KIF26B: variants seen among roughly 807,000 people sequenced by gnomAD.
KIF26B encodes the protein kinesin-like protein KIF26B.
In KIF26B, 63 loss-of-function variants were observed where a neutral mutation model predicts 151.2. That is an observed-to-expected ratio of 0.42 (90% CI 0.34 to 0.51). The LOEUF (loss-of-function observed/expected upper bound fraction) is 0.51, where lower values mean the gene tolerates loss of function less well. KIF26B is among the 20% of genes least tolerant of loss of function. KIF26B has a pLI of 0.07. For missense variants in KIF26B, 2,813 were observed against 2,913.6 expected (o/e 0.97, Z 0.79); for synonymous variants, 1,357 against 1,262.1 (o/e 1.08, Z -1.59).
intron 6 of KIF26B, among the ~76,000 whole-genome samples, chr1:245,604,482 C>T (rs1356228640): frequency 6.6e-6 from 1 of 152,194 alleles, no homozygotes; most frequent in Non-Finnish European, 1.5e-5. Context: ...CTCCTTATTA[C>T]ATTTTTTGTG....
intron 2 of KIF26B, 107 bp from the exon 3 acceptor site, chr1:245,366,727 A>G: frequency 9.3e-7 from 1 of 1,077,734 alleles, no homozygotes; most frequent in Non-Finnish European, 1.3e-6. Flanking sequence ...CAAACTATCC[A>G]ACTCTTTGAG....
At chr1:245,247,964 C>T (rs925849854) in intron 2 of KIF26B, among the ~76,000 whole-genome samples, 3 of 152,182 alleles carry the variant, frequency 2.0e-5, no homozygotes, top group Non-Finnish European at 2.9e-5. Context: ...GCCCTGGTTC[C>T]GGTCCTCAGT....
chr1:245,286,703 T>G (rs761724840), intron 2 of KIF26B, among the ~76,000 whole-genome samples: 1 of 152,208 alleles, frequency 6.6e-6, no homozygotes, highest in Non-Finnish European at 1.5e-5. Flanking sequence ...AAAGATAAAT[T>G]AGGTGGTGGC....
chr1:245,291,152 C>A (rs1364636942), intron 2 of KIF26B, among the ~76,000 whole-genome samples: 1 of 152,202 alleles, frequency 6.6e-6, no homozygotes, highest in African/African-American at 2.4e-5. Flanking sequence ...CACATCATCA[C>A]TTCTGCTGTA....
chr1:245,666,935 G>C (rs1398499220), intron 10 of KIF26B, among the ~76,000 whole-genome samples: 1 of 152,146 alleles, frequency 6.6e-6, no homozygotes, highest in Non-Finnish European at 1.5e-5. Context: ...TGAGGGCACA[G>C]CAGTGGTTCT....
At chr1:245,470,871 C>T (rs1659898592) in intron 4 of KIF26B, among the ~76,000 whole-genome samples, 1 of 152,114 alleles carries the variant, frequency 6.6e-6, no homozygotes, top group African/African-American at 2.4e-5. Flanking sequence ...CTTCTGGACT[C>T]CCTAGTACAA....
chr1:245,531,514 T>G (rs1661358593), intron 4 of KIF26B, among the ~76,000 whole-genome samples: 1 of 152,230 alleles, frequency 6.6e-6, no homozygotes, highest in Middle Eastern at 3.4e-3. Context: ...TAGAAAATGT[T>G]TTAAGAAAAA....
chr1:245,286,635 A>G (rs1671167875), intron 2 of KIF26B, among the ~76,000 whole-genome samples: 2 of 152,204 alleles, frequency 1.3e-5, no homozygotes, highest in Non-Finnish European at 1.5e-5. Flanking sequence ...CTGAAAAACA[A>G]TGGGATACAA....
chr1:245,362,097 C>T (rs1290696536), intron 2 of KIF26B, among the ~76,000 whole-genome samples: 1 of 147,628 alleles, frequency 6.8e-6, no homozygotes, highest in Non-Finnish European at 1.5e-5. Context: ...GATTCAGGGG[C>T]GAAGAGAGTC....
chr1:245,281,067 G>A (rs1671040761), intron 2 of KIF26B, among the ~76,000 whole-genome samples: 1 of 27,966 alleles, frequency 3.6e-5, no homozygotes, highest in African/African-American at 2.3e-4. Context: ...ATAAACATAC[G>A]TGTGCATGTG....
chr1:245,261,306 T>G (rs1332003081), intron 2 of KIF26B, among the ~76,000 whole-genome samples: 1 of 151,992 alleles, frequency 6.6e-6, no homozygotes, highest in South Asian at 2.1e-4. Context: ...TAATTTTGTA[T>G]TTTTAGTAGA....
chr1:245,192,105 TA>T (rs927310463), intron 2 of KIF26B, among the ~76,000 whole-genome samples: 5 of 151,966 alleles, frequency 3.3e-5, no homozygotes, highest in Admixed American at 1.3e-4. Flanking sequence ...CTGAAGCATT[TA>T]AAAAAAATAA....
At chr1:245,526,895 T>G (rs1362899316) in intron 4 of KIF26B, among the ~76,000 whole-genome samples, 1 of 152,364 alleles carries the variant, frequency 6.6e-6, no homozygotes, top group East Asian at 1.9e-4. Flanking sequence ...AAAGCTCTAT[T>G]TCTTTCAAAA....
intron 4 of KIF26B, among the ~76,000 whole-genome samples, chr1:245,531,707 A>G (rs1273649301): frequency 1.3e-5 from 2 of 152,214 alleles, no homozygotes; most frequent in Non-Finnish European, 2.9e-5. Context: ...ACCCTGAATA[A>G]GTGAACAGTG....
chr1:245,336,309 T>C (rs560601701), intron 2 of KIF26B, among the ~76,000 whole-genome samples: 1 of 152,328 alleles, frequency 6.6e-6, no homozygotes, highest in East Asian at 1.9e-4. Flanking sequence ...CAGGAGTGCG[T>C]AGAGTGAGTG....
Position 245,156,332 on chromosome 1 carries a change from A to G in KIF26B, c.114A>G (p.Glu38=). ...AGCCCGCAGCGCCCTTCTCCCCGGA[A>G]AGCTGGTACCGGAAAGCATACGAGG... ...PTKPAAPFSP[E]SWYRKAYEES... The change falls in exon 2 of 15, where the codon GAA becomes GAG. Residue 38 remains glutamate, a synonymous_variant. Transcript: ENST00000407071. The G allele has an allele frequency of 6.5e-7, 1 of 1,547,400 alleles. No homozygotes were observed. The highest frequency in any genetic ancestry group is 8.7e-7 in the Non-Finnish European group (1 of 1,145,848).
At chr1:245,415,702 G>T (rs1176112411) in intron 3 of KIF26B, among the ~76,000 whole-genome samples, 1 of 152,040 alleles carries the variant, frequency 6.6e-6, no homozygotes, top group Admixed American at 6.5e-5. Flanking sequence ...TGCTTTTGGA[G>T]CACTATCTTG....
intron 4 of KIF26B, among the ~76,000 whole-genome samples, chr1:245,461,570 A>C (rs891383604): frequency 6.6e-6 from 1 of 152,026 alleles, no homozygotes; most frequent in African/African-American, 2.4e-5. Context: ...GGAGGAAATA[A>C]ATTAATGTCC....
At chr1:245,224,608 T>G (rs1394256518) in intron 2 of KIF26B, among the ~76,000 whole-genome samples, 2 of 152,278 alleles carry the variant, frequency 1.3e-5, no homozygotes, top group African/African-American at 4.8e-5. Flanking sequence ...ACCATGAACT[T>G]GAGAGCTTCC....
Sources: gnomAD v4.1 joint callset for allele counts (sites outside exome capture counted in the v4.1 genomes callset) on GRCh38, gnomAD v4.1.1 for gene constraint, MANE v1.5 for transcripts, NCBI Gene and HGNC (gene_info 2026-07-23, HGNC 2026-07-21) for gene names.